The following RTL3 variants were observed in gnomAD, a reference collection of about 807,000 sequenced individuals.
RTL3 encodes retrotransposon Gag-like protein 3.
For synonymous variants in RTL3, 181 were observed against 132.2 expected, an observed-to-expected ratio of 1.37 and a Z score of -2.53; for missense variants, 468 against 341.8, an observed-to-expected ratio of 1.37 and a Z score of -2.91.
In RTL3 at chrX:78,658,650, T is replaced by C; in HGVS notation, c.-228-2A>G. 3.2e-6 allele frequency: 1 copy of C among 308,338 alleles called. No homozygotes were observed. Among genetic ancestry groups the C allele is most frequent in the Non-Finnish European group, 5.9e-6 (1 of 170,609 alleles). 25.4% of individuals were successfully genotyped at this position (308,338 alleles called of 1,213,427 possible). ...CAGTAAGGGGAAGTGTCAGATACAC[T>C]GCGAAGAGAGTGGGAGCTGAGGATC... On this transcript the variant is annotated splice_acceptor_variant, in intron 1 of 1. Transcript: ENST00000321110. LOFTEE classifies it low-confidence loss of function (5UTR_SPLICE).
chrX:78,657,270 T>A lies in RTL3; in HGVS notation c.1151A>T (p.Asp384Val), dbSNP rs1178612184. ...SHTSPATNLS[D>V]LITQCISLEE... is the part of the protein sequence containing the mutation. The stretch of plus-strand genomic sequence containing the variant: ...CAGGCTGATGCACTGAGTGATGAGA[T>A]CAGATAGGTTGGTGGCTGGGCTTGT... Residue 384 changes from aspartate (D) to valine (V), a missense_variant, in exon 2 of 2, where the codon GAT (aspartate) becomes GTT (valine). By Grantham distance (152) the Asp-to-Val change is radical. Coordinates refer to ENST00000321110, the MANE Select transcript of RTL3 (RefSeq NM_152694.3). 8.3e-7 allele frequency: 1 copy of A among 1,211,703 alleles called. No homozygotes were observed. The highest frequency in any genetic ancestry group is 2.2e-5 in the Admixed American group (1 of 46,062).
In RTL3 at chrX:78,657,893, A is replaced by G; in HGVS notation, c.528T>C (p.Thr176=). 8.3e-7 allele frequency: 1 copy of G among 1,207,385 alleles called. No individual in the cohort carries two copies. Among genetic ancestry groups the G allele is most frequent in the Non-Finnish European group, 1.1e-6 (1 of 894,099 alleles). The change falls in exon 2 of 2, where the codon ACT becomes ACC. Residue 176 remains threonine, a synonymous_variant. Coordinates refer to ENST00000321110, the MANE Select transcript of RTL3 (RefSeq NM_152694.3). The stretch of plus-strand genomic sequence containing the variant: ...GCTCAAGGAACTCTAGCTGTGCTGC[A>G]GTTTCCTGGTATTCTGGTGCCTCCT... The part of the protein sequence containing the change: ...KPQEAPEYQE[T]AAQLEFLELP...
rs779599223 is a variant in RTL3, at chrX:78,658,263, C to T, written c.158G>A (p.Arg53Gln). 3.3e-6 allele frequency: 4 copies of T among 1,210,237 alleles called. No individual in the cohort carries two copies. Among genetic ancestry groups the T allele is most frequent in the Non-Finnish European group, 3.4e-6 (3 of 895,050 alleles). Residue 53 changes from arginine (R) to glutamine (Q), a missense_variant, in exon 2 of 2, where the codon CGA (arginine) becomes CAA (glutamine). By Grantham distance (43) the Arg-to-Gln change is conservative. Transcript: ENST00000321110. ...SQAAKEYDLL[R>Q]KSSEAKEPQK... is the part of the protein sequence containing the mutation. The stretch of plus-strand genomic sequence containing the variant: ...GGGCTCCTTGGCCTCTGAGGACTTT[C>T]GGAGTAGATCATACTCCTTGGCTGC...
At position 78,657,521 on chromosome X, in the gene RTL3, G is replaced by A. The variant is rs1230060810; in HGVS notation, c.900C>T (p.Pro300=). 6 of 1,206,970 alleles carry A rather than the reference G, an allele frequency of 5.0e-6. No homozygotes were observed. In the South Asian group the frequency reaches 7.1e-5, roughly 14 times the overall value. The change falls in exon 2 of 2, where the codon CCC becomes CCT. Residue 300 remains proline, a synonymous_variant. Coordinates refer to ENST00000321110, the MANE Select transcript of RTL3 (RefSeq NM_152694.3). The part of the protein sequence containing the change: ...WFQLLLDIQS[P]LLEQCESFIP... The stretch of plus-strand genomic sequence containing the variant: ...TGAAACTTTCACATTGCTCCAGTAA[G>A]GGGCTTTGGATATCCAGTAAGAGCT...
At position 78,657,176 on chromosome X, in the gene RTL3, T is replaced by A; in HGVS notation, c.1245A>T (p.Pro415=). 2.5e-6 allele frequency: 3 copies of A among 1,212,269 alleles called. No homozygotes were observed. The highest frequency in any genetic ancestry group is 3.3e-6 in the Non-Finnish European group (3 of 895,627). Residue 415 remains proline (P), a synonymous_variant, in exon 2 of 2, where the codon CCA becomes CCT. Coordinates refer to ENST00000321110, the MANE Select transcript of RTL3 (RefSeq NM_152694.3). ...CCTGCATAGGTTGGTTTTCAGCTGG[T>A]GGACTCTCGGGTCCATCTCCCTCTG... The part of the protein sequence containing the change: ...SSAEGDGPES[P]PAENQPMQAA...
chrX:78,657,529 G>T lies in RTL3; in HGVS notation c.892C>A (p.Gln298Lys). 1.7e-6 allele frequency: 2 copies of T among 1,207,000 alleles called. No homozygotes were observed. Among genetic ancestry groups the T allele is most frequent in the South Asian group, 1.8e-5 (1 of 56,036 alleles). ...GWWFQLLLDI[Q>K]SPLLEQCESF... ...TCACATTGCTCCAGTAAGGGGCTTT[G>T]GATATCCAGTAAGAGCTGGAACCAC... Residue 298 changes from glutamine (Q) to lysine (K), a missense_variant, in exon 2 of 2, where the codon CAA becomes AAA. Gln to Lys is a moderately conservative substitution (Grantham distance 53). Transcript: ENST00000321110.
rs750940735 is a variant in RTL3 at position 78,658,219 on chromosome X, T to A, written c.202A>T (p.Met68Leu). ...GCCTCCCAGGCTGCTGGGGGATTCA[T>A]GTGCTCTGGGAGCTTCTGGGGCTCC... ...AKEPQKLPEH[M>L]NPPAAWEAQK... The change falls in exon 2 of 2, where the codon ATG becomes TTG. Residue 68 changes from methionine to leucine, a missense_variant. Coordinates refer to ENST00000321110, the MANE Select transcript of RTL3 (RefSeq NM_152694.3). The A allele has an allele frequency of 3.1e-5, 38 of 1,208,493 alleles. No individual in the cohort carries two copies. The highest frequency in any genetic ancestry group is 4.0e-5 in the Non-Finnish European group (36 of 894,257).
At position 78,657,974 on chromosome X, in the gene RTL3, T is replaced by C; in HGVS notation, c.447A>G (p.Ile149Met). 8.3e-7 allele frequency: 1 copy of C among 1,205,736 alleles called. No homozygotes were observed. Among genetic ancestry groups the C allele is most frequent in the Non-Finnish European group, 1.1e-6 (1 of 893,675 alleles). ...GTTCTGAATTCTTGGGCTCTTGGGC[T>C]ATTGTGGCATCCTGGGTGTTTGCAG... ...QGPANTQDAT[I>M]AQEPKNSEPQ... The change falls in exon 2 of 2, where the codon ATA (isoleucine) becomes ATG (methionine). Residue 149 changes from isoleucine (I) to methionine (M), a missense_variant. Ile to Met is a conservative substitution (Grantham distance 10). Coordinates refer to ENST00000321110, the MANE Select transcript of RTL3 (RefSeq NM_152694.3).
rs141277076 is a variant in RTL3 at position 78,658,125 on chromosome X, G to A, written c.296C>T (p.Pro99Leu). 672 of 1,151,095 alleles carry A rather than the reference G, an allele frequency of 5.8e-4. 1 individual carries two copies. The African/African-American group carries it at 0.011, about 19-fold the overall frequency. The allele number at this position is 1,151,095 out of a possible 1,213,427, so 94.9% of individuals were successfully genotyped here. A position where few individuals can be genotyped will look rare whatever the true frequency, so the allele number is the denominator to read the frequency against. ...PEPQDLLPWE[P>L]PAAWELQEAP... ...CTCCTGGAGTTCCCAGGCTGCTGGG[G>A]GTTCCCAGGGTAGAAGATCCTGTGG... The change falls in exon 2 of 2, where the codon CCC (proline) becomes CTC (leucine). Residue 99 changes from proline to leucine, a missense_variant. By Grantham distance (98) the Pro-to-Leu change is moderately conservative. Coordinates refer to ENST00000321110, the MANE Select transcript of RTL3 (RefSeq NM_152694.3).
Position 78,656,936 on chromosome X carries a change from T to G in RTL3, c.*57A>C. On this transcript the variant is annotated 3_prime_UTR_variant, in exon 2 of 2. Coordinates refer to ENST00000321110, the MANE Select transcript of RTL3 (RefSeq NM_152694.3). ...ACAGTAAGCCATAGTGTATGAGACA[T>G]GGATATTGGAAGAGAGGGGGACGCA... 1 of 1,064,060 alleles carries G rather than the reference T, an allele frequency of 9.4e-7. No homozygotes were observed. Among genetic ancestry groups the G allele is most frequent in the Non-Finnish European group, 1.3e-6 (1 of 791,571 alleles). The allele number at this position is 1,064,060 out of a possible 1,213,427, so 87.7% of individuals were successfully genotyped here.
At position 78,658,264 on chromosome X, in the gene RTL3, G is replaced by T. The variant is rs143898170; in HGVS notation, c.157C>A (p.Arg53=). ...SQAAKEYDLL[R]KSSEAKEPQK... is the part of the protein sequence containing the mutation. ...GGCTCCTTGGCCTCTGAGGACTTTC[G>T]GAGTAGATCATACTCCTTGGCTGCT... Residue 53 remains arginine, a synonymous_variant, in exon 2 of 2, where the codon CGA becomes AGA. Transcript: ENST00000321110. 8.3e-7 allele frequency: 1 copy of T among 1,210,528 alleles called. No homozygotes were observed. The highest frequency in any genetic ancestry group is 3.0e-5 in the East Asian group (1 of 33,790).
intron 1 of RTL3, among the ~76,000 whole-genome samples, chrX:78,659,017 G>A (rs531670319): frequency 1.8e-5 from 2 of 109,614 alleles, no homozygotes; most frequent in African/African-American, 6.7e-5. Flanking sequence ...TAGGCTCTGC[G>A]GTGGGCCAGC....
Position 78,657,863 on chromosome X carries a change from T to C in RTL3, c.558A>G (p.Pro186=). The C allele has an allele frequency of 8.3e-7, 1 of 1,207,281 alleles. No homozygotes were observed. Among genetic ancestry groups the C allele is most frequent in the Non-Finnish European group, 1.1e-6 (1 of 893,981 alleles). The change falls in exon 2 of 2, where the codon CCA becomes CCG. Residue 186 remains proline, a synonymous_variant. Coordinates refer to ENST00000321110, the MANE Select transcript of RTL3 (RefSeq NM_152694.3). ...TAAQLEFLEL[P]PPQEPLEPSN... ...AAGGCTCCAGAGGCTCCTGGGGAGGTGGAAGCTCAAGGAACTCTAGCTGTG... is the reference window on the plus strand; with the variant it reads ...AAGGCTCCAGAGGCTCCTGGGGAGGCGGAAGCTCAAGGAACTCTAGCTGTG...
chrX:78,658,196 C>T lies in RTL3; in HGVS notation c.225G>A (p.Glu75=), dbSNP rs369388556. The change falls in exon 2 of 2, where the codon GAG becomes GAA. Residue 75 remains glutamate, a synonymous_variant. Coordinates refer to ENST00000321110, the MANE Select transcript of RTL3 (RefSeq NM_152694.3). ...PEHMNPPAAW[E]AQKTPEFKEP... is the part of the protein sequence containing the mutation. ...CCTTGAACTCTGGGGTCTTTTGGGCCTCCCAGGCTGCTGGGGGATTCATGT... is the reference window on the plus strand; with the variant it reads ...CCTTGAACTCTGGGGTCTTTTGGGCTTCCCAGGCTGCTGGGGGATTCATGT... 110 of 1,198,331 alleles carry T rather than the reference C, an allele frequency of 9.2e-5. No individual in the cohort carries two copies. Among genetic ancestry groups the T allele is most frequent in the Non-Finnish European group, 1.1e-4 (99 of 890,741 alleles).
chrX:78,657,071 A>G lies in RTL3; in HGVS notation c.1350T>C (p.Tyr450=). 8.2e-7 allele frequency: 1 copy of G among 1,212,388 alleles called. No homozygotes were observed. The highest frequency in any genetic ancestry group is 1.1e-6 in the Non-Finnish European group (1 of 895,635). ...HKGRLCLYCG[Y]PGHFARDCPV... ...GGCAATCTCTGGCAAAATGACCAGG[A>G]TAACCACAGTAGAGGCATAAGCGGC... The change falls in exon 2 of 2, where the codon TAT becomes TAC. Residue 450 remains tyrosine, a synonymous_variant. Coordinates refer to ENST00000321110, the MANE Select transcript of RTL3 (RefSeq NM_152694.3).
Position 78,658,065 on chromosome X carries a change from G to A in RTL3, c.356C>T (p.Ala119Val). ...TGGAGGTTTCTGGGACTCCCGGGTT[G>A]CTGGAGGCGCCAGGGACTCTGGGGC... ...PAAPESLAPP[A>V]TRESQKPPMA... Residue 119 changes from alanine (A) to valine (V), a missense_variant, in exon 2 of 2, where the codon GCA becomes GTA. Transcript: ENST00000321110. 1.7e-6 allele frequency: 2 copies of A among 1,152,734 alleles called. No individual in the cohort carries two copies. The highest frequency in any genetic ancestry group is 2.3e-6 in the Non-Finnish European group (2 of 870,915). 95.0% of individuals were successfully genotyped at this position (1,152,734 alleles called of 1,213,427 possible).
chrX:78,657,611 G>A lies in RTL3; in HGVS notation c.810C>T (p.Pro270=). The A allele has an allele frequency of 8.3e-7, 1 of 1,207,041 alleles. No homozygotes were observed. Among genetic ancestry groups the A allele is most frequent in the Non-Finnish European group, 1.1e-6 (1 of 893,046 alleles). ...CAAAGCTCACCAGGGCTGCTTCAGT[G>A]GGATACAGGTGCCCTCTGACTCTCA... The part of the protein sequence containing the change: ...SYMRVRGHLY[P]TEAALVSFVG... The change falls in exon 2 of 2, where the codon CCC becomes CCT. Residue 270 remains proline (P), a synonymous_variant. Transcript: ENST00000321110.
Position 78,656,741 on chromosome X carries a change from G to A in RTL3, c.*252C>T. ...ACAGGTGATGTTTCCTTAGTTATGG[G>A]TCCATTAATAAGTGGATGGCCGTCG... On this transcript the variant is annotated 3_prime_UTR_variant, in exon 2 of 2. Coordinates refer to ENST00000321110, the MANE Select transcript of RTL3 (RefSeq NM_152694.3). 2.7e-6 allele frequency: 1 copy of A among 364,658 alleles called. No individual in the cohort carries two copies. The highest frequency in any genetic ancestry group is 4.7e-6 in the Non-Finnish European group (1 of 211,229). The allele number at this position is 364,658 out of a possible 1,213,427, so 30.1% of individuals were successfully genotyped here.
chrX:78,657,184 C>T lies in RTL3; in HGVS notation c.1237G>A (p.Glu413Lys), dbSNP rs143363623. 31 of 1,210,789 alleles carry T rather than the reference C, an allele frequency of 2.6e-5. No homozygotes were observed. Among genetic ancestry groups the T allele is most frequent in the African/African-American group, 1.6e-4 (9 of 57,362 alleles). Reference sequence around the variant, plus strand: ...GGTTGGTTTTCAGCTGGTGGACTCTCGGGTCCATCTCCCTCTGCAGAGGAA... The same window carrying T: ...GGTTGGTTTTCAGCTGGTGGACTCTTGGGTCCATCTCCCTCTGCAGAGGAA... ...KSSSAEGDGP[E>K]SPPAENQPMQ... The change falls in exon 2 of 2, where the codon GAG (glutamate) becomes AAG (lysine). Residue 413 changes from glutamate (E) to lysine (K), a missense_variant. By Grantham distance (56) the Glu-to-Lys change is moderately conservative. Coordinates refer to ENST00000321110, the MANE Select transcript of RTL3 (RefSeq NM_152694.3).
Sources: gnomAD v4.1 joint callset for allele counts (sites outside exome capture counted in the v4.1 genomes callset) on GRCh38, gnomAD v4.1.1 for gene constraint, MANE v1.5 for transcripts, NCBI Gene and HGNC (gene_info 2026-07-23, HGNC 2026-07-21) for gene names.